MYRIP: variants seen among roughly 807,000 people sequenced by gnomAD.
The protein encoded by MYRIP is rab effector MyRIP.
A neutral mutation model predicts 98.0 loss-of-function variants in MYRIP; 49 were observed. The ratio of observed to expected loss-of-function variants is 0.50; its 90% CI spans 0.40 to 0.63. MYRIP has a LOEUF of 0.63. MYRIP is among the 30% of genes least tolerant of loss of function. The probability of loss-of-function intolerance (pLI) is 0.00; values close to 1 mark genes in which losing one functional copy is unlikely to be tolerated. For missense variants in MYRIP, 1,004 were observed against 1,058.2 expected (o/e 0.95, Z 0.71); for synonymous variants, 404 against 409.5 (o/e 0.99, Z 0.16).
At chr3:39,879,554 G>T (rs1252474160) in intron 1 of MYRIP, among the ~76,000 whole-genome samples, 1 of 152,072 alleles carries the variant, frequency 6.6e-6, no homozygotes, top group African/African-American at 2.4e-5. Flanking sequence ...TTTACATTTT[G>T]TTAGAAAGGA....
intron 16 of MYRIP, among the ~76,000 whole-genome samples, chr3:40,252,706 C>T (rs1559478427): frequency 6.6e-6 from 1 of 152,174 alleles, no homozygotes; most frequent in Non-Finnish European, 1.5e-5. Context: ...TGGGAAGATG[C>T]ATGAGTAGCG....
intron 10 of MYRIP, among the ~76,000 whole-genome samples, chr3:40,196,898 ACT>A (rs1156597273): frequency 1.3e-5 from 2 of 151,984 alleles, no homozygotes; most frequent in Non-Finnish European, 2.9e-5. Context: ...CTGTCATCTC[ACT>A]CTCTGCTAGA....
intron 1 of MYRIP, among the ~76,000 whole-genome samples, chr3:39,839,765 G>T (rs1575292044): frequency 6.6e-6 from 1 of 152,250 alleles, no homozygotes; most frequent in Admixed American, 6.5e-5. Context: ...CCATGTAGTT[G>T]TGTGTTTTTC....
Position 40,190,261 on chromosome 3 carries a change from T to C in MYRIP, c.1463T>C (p.Met488Thr), listed in dbSNP as rs1401181514. 7.4e-6 allele frequency: 12 copies of C among 1,613,794 alleles called. No individual in the cohort carries two copies. Among genetic ancestry groups the C allele is most frequent in the African/African-American group, 1.3e-5 (1 of 74,824 alleles). The part of the protein sequence containing the change: ...KAPRNPAAEK[M>T]RLHGELDVNF... ...CCCAGGAACCCTGCAGCTGAGAAGATGCGCTTGCATGGAGAGCTGGACGTG... is the reference window on the plus strand; with the variant it reads ...CCCAGGAACCCTGCAGCTGAGAAGACGCGCTTGCATGGAGAGCTGGACGTG... Residue 488 changes from methionine to threonine, a missense_variant, in exon 10 of 17, where the codon ATG (methionine) becomes ACG (threonine). Transcript: ENST00000302541.
At chr3:40,218,702 G>C (rs1437793912) in intron 11 of MYRIP, among the ~76,000 whole-genome samples, 1 of 144,140 alleles carries the variant, frequency 6.9e-6, no homozygotes, top group East Asian at 2.0e-4. Flanking sequence ...AACTACAAAT[G>C]TATGAAACTC....
intron 3 of MYRIP, among the ~76,000 whole-genome samples, chr3:40,101,243 CTG>C (rs1400173072): frequency 3.3e-5 from 5 of 152,118 alleles, no homozygotes; most frequent in Admixed American, 2.0e-4. Flanking sequence ...CATCAGTTTT[CTG>C]TGTTTTATTA....
intron 3 of MYRIP, among the ~76,000 whole-genome samples, chr3:40,063,085 C>A (rs1948052049): frequency 1.3e-5 from 2 of 152,148 alleles, no homozygotes; most frequent in South Asian, 4.1e-4. Context: ...CAGTATAAAT[C>A]TAATTTTGAG....
chr3:39,962,755 C>T (rs1307995350), intron 2 of MYRIP, among the ~76,000 whole-genome samples: 1 of 151,912 alleles, frequency 6.6e-6, no homozygotes, highest in East Asian at 1.9e-4. Context: ...GTTTTAGAGC[C>T]CTAAGTTACT....
chr3:40,255,640 T>C (rs1027446659), intron 16 of MYRIP, among the ~76,000 whole-genome samples: 1 of 152,234 alleles, frequency 6.6e-6, no homozygotes, highest in African/African-American at 2.4e-5. Context: ...GATGTTTAAA[T>C]TTTGATAAAA....
At chr3:40,195,748 T>TATC (rs1951370214) in intron 10 of MYRIP, among the ~76,000 whole-genome samples, 2 of 152,216 alleles carry the variant, frequency 1.3e-5, no homozygotes, top group South Asian at 4.1e-4. Context: ...ATTTTGATGC[T>TATC]ATCTCCTTCA....
chr3:40,169,476 AC>A (rs760514654), intron 7 of MYRIP, among the ~76,000 whole-genome samples: 18 of 152,116 alleles, frequency 1.2e-4, no homozygotes, highest in Non-Finnish European at 2.1e-4. Flanking sequence ...TGGTGTCTAC[AC>A]CCTTGATAGG....
intron 1 of MYRIP, among the ~76,000 whole-genome samples, chr3:39,868,834 T>C (rs892323856): frequency 2.0e-5 from 3 of 152,200 alleles, no homozygotes; most frequent in Non-Finnish European, 2.9e-5. Context: ...TATGGGTTGA[T>C]AGTCTTTTTC....
chr3:40,071,764 G>A (rs1948236576), intron 3 of MYRIP, among the ~76,000 whole-genome samples: 1 of 152,160 alleles, frequency 6.6e-6, no homozygotes, highest in African/African-American at 2.4e-5. Context: ...GGAAGTTTGA[G>A]AAGACAGGAC....
At chr3:40,053,292 A>C (rs2125840802) in intron 3 of MYRIP, among the ~76,000 whole-genome samples, 1 of 152,258 alleles carries the variant, frequency 6.6e-6, no homozygotes, top group South Asian at 2.1e-4. Context: ...TGGGCAATTT[A>C]GGTTAAGATA....
intron 2 of MYRIP, among the ~76,000 whole-genome samples, chr3:40,033,657 A>T (rs935540475): frequency 1.3e-5 from 2 of 152,228 alleles, no homozygotes; most frequent in Non-Finnish European, 2.9e-5. Flanking sequence ...AAGGTAATTT[A>T]TAGATTCAAT....
chr3:40,031,211 G>A (rs528583641), intron 2 of MYRIP, among the ~76,000 whole-genome samples: 9 of 152,026 alleles, frequency 5.9e-5, no homozygotes, highest in Non-Finnish European at 1.0e-4. Context: ...TCCTCACATC[G>A]TGGAAGGGCA....
intron 10 of MYRIP, among the ~76,000 whole-genome samples, chr3:40,209,589 A>C (rs1004293697): frequency 1.1e-4 from 17 of 152,138 alleles, no homozygotes; most frequent in Non-Finnish European, 2.4e-4. Flanking sequence ...CCATGGTAGG[A>C]GCTCAGAGAG....
intron 2 of MYRIP, among the ~76,000 whole-genome samples, chr3:40,018,562 C>T (rs1332623720): frequency 6.6e-6 from 1 of 151,954 alleles, no homozygotes; most frequent in Non-Finnish European, 1.5e-5. Flanking sequence ...TCCCTCATTT[C>T]CTGTATCCCA....
At chr3:39,975,033 A>C (rs1351826969) in intron 2 of MYRIP, among the ~76,000 whole-genome samples, 1 of 152,226 alleles carries the variant, frequency 6.6e-6, no homozygotes, top group Admixed American at 6.5e-5. Context: ...TAGTGTTGGA[A>C]GTTCTGGCCA....
Sources: gnomAD v4.1 joint callset for allele counts (sites outside exome capture counted in the v4.1 genomes callset) on GRCh38, gnomAD v4.1.1 for gene constraint, MANE v1.5 for transcripts, NCBI Gene and HGNC (gene_info 2026-07-23, HGNC 2026-07-21) for gene names.